Variants in CAPZB observed in about 807,000 individuals in gnomAD.
The protein encoded by CAPZB is capping actin protein of muscle Z-line subunit beta, also known as F-actin-capping protein subunit beta.
In CAPZB, 2 loss-of-function variants were observed where a neutral mutation model predicts 38.1. The ratio of observed to expected loss-of-function variants is 0.05; its 90% CI spans 0.02 to 0.17. The LOEUF is 0.17. CAPZB is among the 10% of genes least tolerant of loss of function. The probability of loss-of-function intolerance (pLI) is 1.00; values close to 1 mark genes in which losing one functional copy is unlikely to be tolerated. For missense variants in CAPZB, 161 were observed against 334.2 expected, an observed-to-expected ratio of 0.48 and a Z score of 4.04; for synonymous variants, 107 against 127.4, an observed-to-expected ratio of 0.84 and a Z score of 1.08.
intron 4 of CAPZB, among the ~76,000 whole-genome samples, chr1:19,370,061 G>A (rs750826316): frequency 6.6e-6 from 1 of 152,160 alleles, no homozygotes; most frequent in Non-Finnish European, 1.5e-5. Context: ...TCCTACCCTT[G>A]GAACCTTCCA....
At position 19,344,404 on chromosome 1, in the gene CAPZB, T is replaced by C. The variant is rs762802330; in HGVS notation, c.685A>G (p.Asn229Asp). The C allele has an allele frequency of 6.2e-7, 1 of 1,614,172 alleles. No homozygotes were observed. Among genetic ancestry groups the C allele is most frequent in the Non-Finnish European group, 8.5e-7 (1 of 1,179,994 alleles). ...TTTGTTTTTCCAAAGTAGATCTCGT[T>C]CAGCGTACTTCTGATTTTATTTTCC... ...DMENKIRSTLNEIYFGKTKDI... is the reference protein window; with the variant it reads ...DMENKIRSTLDEIYFGKTKDI... Residue 229 changes from asparagine (N) to aspartate (D), a missense_variant, in exon 8 of 9, where the codon AAC becomes GAC. Transcript: ENST00000264202.
chr1:19,425,145 T>A (rs1558250011), intron 1 of CAPZB, among the ~76,000 whole-genome samples: 3 of 152,188 alleles, frequency 2.0e-5, no homozygotes, highest in African/African-American at 2.4e-5. Flanking sequence ...AAGTAAACTG[T>A]CACCTGGTGG....
intron 3 of CAPZB, 122 bp downstream of exon 3, chr1:19,385,383 G>C: frequency 2.8e-6 from 3 of 1,075,180 alleles, no homozygotes; most frequent in Non-Finnish European, 4.1e-6. Context: ...GGGAACAAAC[G>C]GAAGGAAAGC....
intron 2 of CAPZB, among the ~76,000 whole-genome samples, chr1:19,411,718 C>T (rs2094357674): frequency 6.6e-6 from 1 of 152,192 alleles, no homozygotes; most frequent in African/African-American, 2.4e-5. Context: ...CAGAACTCAT[C>T]AGAATCTGAA....
chr1:19,345,953 C>T (rs977689741), intron 6 of CAPZB, among the ~76,000 whole-genome samples: 2 of 152,194 alleles, frequency 1.3e-5, no homozygotes, highest in Non-Finnish European at 2.9e-5. Flanking sequence ...AGCCCCATCT[C>T]CTCTTCCCAA....
intron 1 of CAPZB, among the ~76,000 whole-genome samples, chr1:19,472,328 C>T (rs189928674): frequency 9.8e-5 from 15 of 152,286 alleles, no homozygotes; most frequent in Non-Finnish European, 1.6e-4. Flanking sequence ...GGTTAGGGAT[C>T]TCTTTCAACA....
rs2094030216 is a variant in CAPZB at position 19,357,852 on chromosome 1, C to T, written c.330-289G>A. Among the ~76,000 whole-genome samples, 1 of 152,168 alleles carries T rather than the reference C, an allele frequency of 6.6e-6. No homozygotes were observed. Among genetic ancestry groups the T allele is most frequent in the South Asian group, 2.1e-4 (1 of 4,830 alleles). On this transcript the variant is annotated intron_variant, in intron 4 of 8. Transcript: ENST00000264202. The surrounding 1 kb of genome is among the most constrained non-coding windows in gnomAD (Gnocchi z 4.3). Reference sequence around the variant, plus strand: ...CTGAACCTCTCTGGGCGTCACACTCCTCCCAGATAAAGAATGCAGCACGAC... The same window carrying T: ...CTGAACCTCTCTGGGCGTCACACTCTTCCCAGATAAAGAATGCAGCACGAC...
At chr1:19,453,413 C>T (rs1473782617) in intron 1 of CAPZB, among the ~76,000 whole-genome samples, 1 of 151,890 alleles carries the variant, frequency 6.6e-6, no homozygotes, top group East Asian at 1.9e-4. Flanking sequence ...AGGGGCGCAC[C>T]ACCACGCCAG....
Position 19,344,549 on chromosome 1 carries a change from G to A in CAPZB, c.655-115C>T, listed in dbSNP as rs970515744. ...GTGTGGCCACTGGAGGGTGGCACAC[G>A]CCTGCTCTGGGGCATCAGTGAGCGC... On this transcript the variant is annotated intron_variant, in intron 7 of 8. Transcript: ENST00000264202. 4.6e-5 allele frequency: 37 copies of A among 805,818 alleles called. No individual in the cohort carries two copies. The African/African-American group carries it at 5.4e-4, about 12-fold the overall frequency. The allele number at this position is 805,818 out of a possible 1,614,324, so 49.9% of individuals were successfully genotyped here. A position where few individuals can be genotyped will look rare whatever the true frequency, so the allele number is the denominator to read the frequency against.
intron 1 of CAPZB, among the ~76,000 whole-genome samples, chr1:19,432,217 C>T (rs1200144799): frequency 6.6e-6 from 1 of 151,816 alleles, no homozygotes. Context: ...TCGAGGTAGG[C>T]AGATCATTGA....
intron 1 of CAPZB, among the ~76,000 whole-genome samples, chr1:19,462,703 G>C (rs2094556056): frequency 6.6e-6 from 1 of 152,166 alleles, no homozygotes; most frequent in Non-Finnish European, 1.5e-5. Flanking sequence ...AGGTCCAGTT[G>C]AATGGCATTC....
At chr1:19,441,276 G>A (rs1343514083) in intron 1 of CAPZB, among the ~76,000 whole-genome samples, 2 of 152,164 alleles carry the variant, frequency 1.3e-5, no homozygotes, top group Admixed American at 6.5e-5. Context: ...ATGGGGACAG[G>A]TGGCACACTG....
intron 1 of CAPZB, among the ~76,000 whole-genome samples, chr1:19,439,754 G>A (rs12041311): frequency 0.3 from 46,237 of 152,190 alleles, 7,401 homozygotes; most frequent in Middle Eastern, 0.38. Flanking sequence ...GCACGCTTCC[G>A]AGACCACTCG....
intron 4 of CAPZB, among the ~76,000 whole-genome samples, chr1:19,359,762 G>T (rs755816830): frequency 6.6e-6 from 1 of 152,204 alleles, no homozygotes; most frequent in Non-Finnish European, 1.5e-5. Context: ...CCTTTCCTAC[G>T]AGAGGAAAAG....
At chr1:19,382,806 A>G (rs1006306779) in intron 3 of CAPZB, among the ~76,000 whole-genome samples, 2 of 152,196 alleles carry the variant, frequency 1.3e-5, no homozygotes, top group African/African-American at 4.8e-5. Context: ...AGGTGGAAAT[A>G]ATAAATATAA....
chr1:19,379,202 G>A lies in CAPZB; in HGVS notation c.216-549C>T, dbSNP rs145491357. On this transcript the variant is annotated intron_variant, in intron 3 of 8. Transcript: ENST00000264202. ...CAACCTCCGCCTCCTGGGTTCAGGC[G>A]ATTCTCGTGCCTCAGCCTCCTGAGT... Among the ~76,000 whole-genome samples the A allele has an allele frequency of 2.6e-3, 392 of 151,650 alleles. 1 individual carries two copies. The highest frequency in any genetic ancestry group is 9.1e-3 in the African/African-American group (375 of 41,334).
At chr1:19,445,779 A>G (rs1044771026) in intron 1 of CAPZB, among the ~76,000 whole-genome samples, 1 of 152,226 alleles carries the variant, frequency 6.6e-6, no homozygotes, top group Non-Finnish European at 1.5e-5. Context: ...GATTGTGGTT[A>G]TGGATGCACA....
rs1056201906 is a variant in CAPZB, at chr1:19,439,548, G to A, written c.4-19798C>T. Among the ~76,000 whole-genome samples, 13 of 152,124 alleles carry A rather than the reference G, an allele frequency of 8.5e-5. 1 individual carries two copies. In the South Asian group the frequency reaches 1.2e-3, roughly 15 times the overall value. ...TGTCCCCAGTCAGCCTGTGTCACGC[G>A]GTGCTGGCTGTTTGGCAGCTCTGCC... is the stretch of plus-strand genomic sequence containing the variant. On this transcript the variant is annotated intron_variant, in intron 1 of 8. Coordinates refer to ENST00000264202, the MANE Select transcript of CAPZB (RefSeq NM_004930.5).
chr1:19,403,966 G>A (rs2094316619), intron 2 of CAPZB, among the ~76,000 whole-genome samples: 1 of 152,148 alleles, frequency 6.6e-6, no homozygotes, highest in Non-Finnish European at 1.5e-5. Flanking sequence ...AGACTCAAGA[G>A]GTTGAAGTAC....
Sources: allele counts gnomAD v4.1 joint callset (sites outside exome capture counted in the v4.1 genomes callset), GRCh38; gene constraint gnomAD v4.1.1; non-coding constraint Gnocchi (gnomAD v3.1); transcripts MANE v1.5; gene names NCBI Gene and HGNC (gene_info 2026-07-23, HGNC 2026-07-21).